Variants in NEK11 observed in about 807,000 individuals in gnomAD.
The protein encoded by NEK11 is serine/threonine-protein kinase Nek11.
NEK11 carries 72 observed loss-of-function variants against 80.7 expected under a neutral mutation model. That is an observed-to-expected ratio of 0.89 (90% CI 0.74 to 1.08). The LOEUF is 1.08. Ranked by LOEUF, NEK11 falls within the 50% of genes least tolerant of loss-of-function variation. NEK11 has a pLI of 0.00. For synonymous variants in NEK11, 251 were observed against 260.7 expected (o/e 0.96, Z 0.36); for missense variants, 764 against 763.6 (o/e 1.00, Z -0.01).
chr3:131,155,942 C>T (rs2674606), intron 10 of NEK11, among the ~76,000 whole-genome samples: 13,802 of 152,168 alleles, frequency 0.091, 1,146 homozygotes, highest in East Asian at 0.44. Context: ...AATTTTTAGA[C>T]GTGTTCTTAA....
At chr3:131,029,173 T>C (rs2064407074) in intron 2 of NEK11, among the ~76,000 whole-genome samples, 1 of 152,260 alleles carries the variant, frequency 6.6e-6, no homozygotes, top group Non-Finnish European at 1.5e-5. Flanking sequence ...AATTCCTTGT[T>C]TAATCCTAAC....
chr3:131,149,607 A>G (rs2089221934), intron 7 of NEK11, among the ~76,000 whole-genome samples: 1 of 152,016 alleles, frequency 6.6e-6, no homozygotes, highest in Non-Finnish European at 1.5e-5. Context: ...CTTGTGTCGT[A>G]AGTTGTGTTC....
At chr3:131,057,038 TC>T (rs557883554) in intron 3 of NEK11, among the ~76,000 whole-genome samples, 1,275 of 55,924 alleles carry the variant, frequency 0.023, 26 homozygotes, top group African/African-American at 0.086. Context: ...CCCTCCCCCC[TC>T]CCCCCACCCC....
intron 17 of NEK11, among the ~76,000 whole-genome samples, chr3:131,300,481 T>C (rs535648323): frequency 6.6e-6 from 1 of 152,340 alleles, no homozygotes; most frequent in South Asian, 2.1e-4. Context: ...TGATATTTCC[T>C]AGATTACCTT....
intron 17 of NEK11, among the ~76,000 whole-genome samples, chr3:131,333,327 A>C (rs1267743862): frequency 1.3e-5 from 2 of 152,330 alleles, no homozygotes; most frequent in Non-Finnish European, 2.9e-5. Flanking sequence ...ATTCTTAAAG[A>C]AAAGAATTTT....
chr3:131,265,113 G>C (rs181919583), intron 16 of NEK11, among the ~76,000 whole-genome samples: 3 of 152,232 alleles, frequency 2.0e-5, no homozygotes, highest in Admixed American at 2.0e-4. Flanking sequence ...GTAGTTTTTG[G>C]GCTGAGACGA....
chr3:131,034,745 T>C (rs757877081), intron 3 of NEK11, among the ~76,000 whole-genome samples: 1 of 152,194 alleles, frequency 6.6e-6, no homozygotes, highest in African/African-American at 2.4e-5. Context: ...ACTGAAGCAG[T>C]AGGAGATAAG....
chr3:131,201,724 AT>A (rs36116470), intron 14 of NEK11, among the ~76,000 whole-genome samples: 127,061 of 151,090 alleles, frequency 0.84, 53,913 homozygotes, highest in African/African-American at 0.89. Context: ...CCCTCCAGTC[AT>A]TTTTTTTTTT....
chr3:131,328,796 A>T (rs1399933214), intron 17 of NEK11: 1 of 152,254 alleles, frequency 6.6e-6, no homozygotes, highest in Non-Finnish European at 1.5e-5. Flanking sequence ...TACTGTTTAG[A>T]ACAGGAGGCT....
chr3:131,268,840 CG>C (rs1442361455), intron 16 of NEK11, among the ~76,000 whole-genome samples: 1 of 152,222 alleles, frequency 6.6e-6, no homozygotes, highest in African/African-American at 2.4e-5. Context: ...CAGGCAGGGA[CG>C]TTTAAGTCTG....
At chr3:131,184,998 C>G (rs1030794942) in intron 14 of NEK11, among the ~76,000 whole-genome samples, 9 of 152,118 alleles carry the variant, frequency 5.9e-5, no homozygotes. Flanking sequence ...GGGATGTGTC[C>G]TGCCTAAGAA....
chr3:131,208,845 C>T (rs916161849), intron 14 of NEK11, among the ~76,000 whole-genome samples: 4 of 152,184 alleles, frequency 2.6e-5, no homozygotes, highest in African/African-American at 7.2e-5. Flanking sequence ...AGTTGCTTAT[C>T]AGTTTAAGGA....
rs191041191 is a variant in NEK11 at position 131,191,144 on chromosome 3, A to T, written c.1399+20257A>T. Among the ~76,000 whole-genome samples the T allele has an allele frequency of 2.1e-4, 32 of 152,308 alleles. 1 individual carries two copies. The highest frequency in any genetic ancestry group is 7.5e-4 in the African/African-American group (31 of 41,578). On this transcript the variant is annotated intron_variant, in intron 14 of 17. Coordinates refer to ENST00000383366, the MANE Select transcript of NEK11 (RefSeq NM_024800.5). ...TCAGTTTTTTCTTTGATAATTTCAAAAAATACATTTAATACCTAGAAAAAA... is the reference window on the plus strand; with the variant it reads ...TCAGTTTTTTCTTTGATAATTTCAATAAATACATTTAATACCTAGAAAAAA...
chr3:131,332,732 G>A (rs1467332155), intron 17 of NEK11, among the ~76,000 whole-genome samples: 1 of 151,974 alleles, frequency 6.6e-6, no homozygotes, highest in Non-Finnish European at 1.5e-5. Flanking sequence ...AAATTTAGAC[G>A]AATGTATAAC....
In NEK11 at chr3:131,041,087, A is replaced by G. The variant is rs145151763; in HGVS notation, c.170+11209A>G. ...ATGCATACACTGTGAGTTTGGGGAT[A>G]ATATCGGCCAATCCACTTTTTGCAA... On this transcript the variant is annotated intron_variant, in intron 3 of 17. Transcript: ENST00000383366. Among the ~76,000 whole-genome samples the G allele has an allele frequency of 3.2e-3, 489 of 152,306 alleles. 10 individuals are homozygous for G. The highest frequency in any genetic ancestry group is 0.028 in the Admixed American group (426 of 15,306).
intron 14 of NEK11, among the ~76,000 whole-genome samples, chr3:131,175,660 G>A (rs987375637): frequency 7.2e-5 from 11 of 152,064 alleles, no homozygotes; most frequent in African/African-American, 1.7e-4. Flanking sequence ...AAGTTTGTAA[G>A]TTTGCTATCT....
At chr3:131,033,035 T>G (rs2065104915) in intron 3 of NEK11, among the ~76,000 whole-genome samples, 1 of 152,168 alleles carries the variant, frequency 6.6e-6, no homozygotes, top group Non-Finnish European at 1.5e-5. Context: ...ATTCAAGATG[T>G]GTCTTGAGAT....
chr3:131,334,085 C>G lies in NEK11; in HGVS notation c.1719-15472C>G, dbSNP rs556746779. On this transcript the variant is annotated intron_variant, in intron 17 of 17. Coordinates refer to ENST00000383366, the MANE Select transcript of NEK11 (RefSeq NM_024800.5). ...GAGACAGAAAGTTAACAAGGATATC[C>G]AGGAATTGAACTCAGCTCTGCACCA... is the stretch of plus-strand genomic sequence containing the variant. 2.7e-3 allele frequency among the ~76,000 whole-genome samples: 405 copies of G among 152,250 alleles called. 1 individual carries two copies. The highest frequency in any genetic ancestry group is 3.3e-3 in the Non-Finnish European group (225 of 68,016).
intron 14 of NEK11, among the ~76,000 whole-genome samples, chr3:131,216,993 A>G (rs1281877210): frequency 1.3e-5 from 2 of 152,166 alleles, no homozygotes; most frequent in Non-Finnish European, 2.9e-5. Context: ...CACCAGGGAA[A>G]GGAACAATTG....
Sources: allele counts gnomAD v4.1 joint callset (sites outside exome capture counted in the v4.1 genomes callset), GRCh38; gene constraint gnomAD v4.1.1; transcripts MANE v1.5; gene names NCBI Gene and HGNC (gene_info 2026-07-23, HGNC 2026-07-21).